Variants in OR9Q1 observed in about 807,000 individuals in gnomAD.
OR9Q1 encodes the protein olfactory receptor family 9 subfamily Q member 1, also known as olfactory receptor 9Q1.
For missense variants in OR9Q1, 374 were observed against 378.8 expected, an observed-to-expected ratio of 0.99 and a Z score of 0.11; for synonymous variants, 153 against 148.6, an observed-to-expected ratio of 1.03 and a Z score of -0.22.
At chr11:58,135,652 A>G (rs1325142578) in intron 2 of OR9Q1, among the ~76,000 whole-genome samples, 1 of 152,246 alleles carries the variant, frequency 6.6e-6, no homozygotes, top group South Asian at 2.1e-4. Context: ...ATAGGCAAAG[A>G]CTTTATACAT....
chr11:58,165,410 G>A (rs3911229), intron 2 of OR9Q1, among the ~76,000 whole-genome samples: 44,239 of 152,054 alleles, frequency 0.29, 6,894 homozygotes, highest in East Asian at 0.59. Context: ...GACTGTTTAG[G>A]CAACAGTCTC....
intron 2 of OR9Q1, among the ~76,000 whole-genome samples, chr11:58,081,037 A>C (rs540398072): frequency 6.6e-6 from 1 of 151,156 alleles, no homozygotes; most frequent in African/African-American, 2.4e-5. Flanking sequence ...CTCGTTGTTC[A>C]TCTCCCACCT....
At chr11:58,079,699 A>C (rs140572692) in intron 2 of OR9Q1, among the ~76,000 whole-genome samples, 1 of 152,302 alleles carries the variant, frequency 6.6e-6, no homozygotes, top group East Asian at 1.9e-4. Flanking sequence ...TGGATAGCTT[A>C]CTGGAGAACA....
In OR9Q1 at chr11:58,177,349, C is replaced by T. The variant is rs183484958; in HGVS notation, c.-14-2082C>T. Among the ~76,000 whole-genome samples the T allele has an allele frequency of 2.1e-3, 327 of 152,198 alleles. 2 individuals are homozygous for T. The highest frequency in any genetic ancestry group is 7.4e-3 in the African/African-American group (308 of 41,538). On this transcript the variant is annotated intron_variant, in intron 2 of 2. Coordinates refer to ENST00000335397, the MANE Select transcript of OR9Q1 (RefSeq NM_001005212.4). The stretch of plus-strand genomic sequence containing the variant: ...TGTGTACAGTTTTGTTTCTAATGGC[C>T]GTTCCACCACTTCTGAGCTGTGCAG...
intron 2 of OR9Q1, among the ~76,000 whole-genome samples, chr11:58,105,424 G>A (rs1470122170): frequency 1.3e-5 from 2 of 152,018 alleles, no homozygotes; most frequent in Admixed American, 6.6e-5. Flanking sequence ...ATAAAACCAC[G>A]ACCAAAATCA....
intron 2 of OR9Q1, among the ~76,000 whole-genome samples, chr11:58,145,713 T>A (rs1158272513): frequency 6.6e-6 from 1 of 152,212 alleles, no homozygotes; most frequent in Admixed American, 6.5e-5. Context: ...AATAATAACA[T>A]GCTACAAAAT....
intron 2 of OR9Q1, among the ~76,000 whole-genome samples, chr11:58,167,572 G>A (rs1438217829): frequency 3.3e-5 from 5 of 151,990 alleles, no homozygotes; most frequent in African/African-American, 7.2e-5. Flanking sequence ...TTTTAGTTGC[G>A]TCTATGGGTC....
chr11:58,044,074 T>C (rs1251967697), intron 1 of OR9Q1: 1 of 152,228 alleles, frequency 6.6e-6, no homozygotes, highest in African/African-American at 2.4e-5. Flanking sequence ...ATATGGCAAA[T>C]GTTAAACTAA....
At chr11:58,043,414 C>G (rs1376489) in intron 1 of OR9Q1, among the ~76,000 whole-genome samples, 32,764 of 152,036 alleles carry the variant, frequency 0.22, 4,093 homozygotes, top group Middle Eastern at 0.37. Context: ...ATTCATTTCC[C>G]CAAGACACAC....
At chr11:58,153,487 G>A (rs1419863853) in intron 2 of OR9Q1, among the ~76,000 whole-genome samples, 2 of 152,118 alleles carry the variant, frequency 1.3e-5, no homozygotes, top group African/African-American at 2.4e-5. Flanking sequence ...ATAGGGAAGG[G>A]TGGGTCATGC....
At chr11:58,083,940 G>T (rs1439320464) in intron 2 of OR9Q1, among the ~76,000 whole-genome samples, 2 of 151,738 alleles carry the variant, frequency 1.3e-5, no homozygotes, top group African/African-American at 4.9e-5. Context: ...TTGACCATTT[G>T]GTCTCTTTTT....
intron 2 of OR9Q1, among the ~76,000 whole-genome samples, chr11:58,132,147 T>C (rs2514176): frequency 1.3e-5 from 2 of 152,022 alleles, no homozygotes; most frequent in African/African-American, 4.8e-5. Context: ...GCTTATGTTT[T>C]AAATAACTCT....
At chr11:58,032,898 TAAATC>T (rs1446115263) in intron 1 of OR9Q1, among the ~76,000 whole-genome samples, 3 of 152,012 alleles carry the variant, frequency 2.0e-5, no homozygotes, top group African/African-American at 4.8e-5. Context: ...ATAAGGGACT[TAAATC>T]AACAAGAAAA....
At chr11:58,035,715 G>C (rs185912845) in intron 1 of OR9Q1, among the ~76,000 whole-genome samples, 1 of 152,038 alleles carries the variant, frequency 6.6e-6, no homozygotes, top group Non-Finnish European at 1.5e-5. Flanking sequence ...CTGACCTATC[G>C]CATTTTCCAA....
intron 2 of OR9Q1, among the ~76,000 whole-genome samples, chr11:58,079,872 A>G (rs1486038089): frequency 1.3e-5 from 2 of 152,218 alleles, no homozygotes; most frequent in Non-Finnish European, 2.9e-5. Flanking sequence ...CACTCAGACC[A>G]GAACTGCCCA....
intron 2 of OR9Q1, among the ~76,000 whole-genome samples, chr11:58,150,541 C>T (rs1854340869): frequency 6.6e-6 from 1 of 152,186 alleles, no homozygotes; most frequent in Non-Finnish European, 1.5e-5. Context: ...GATCACACAT[C>T]AATGACGGTT....
intron 2 of OR9Q1, chr11:58,109,136 A>G: frequency 2.0e-6 from 1 of 505,004 alleles, no homozygotes. Context: ...CAGAAGAAGA[A>G]GTTGATCTGA....
intron 2 of OR9Q1, among the ~76,000 whole-genome samples, chr11:58,134,010 A>G (rs905860428): frequency 3.3e-5 from 5 of 152,156 alleles, no homozygotes; most frequent in African/African-American, 1.2e-4. Flanking sequence ...TTCAGAGTCC[A>G]TCAAGCTACT....
At chr11:58,145,799 C>A (rs1160134397) in intron 2 of OR9Q1, among the ~76,000 whole-genome samples, 1 of 152,016 alleles carries the variant, frequency 6.6e-6, no homozygotes, top group African/African-American at 2.4e-5. Context: ...CTATTAAGCT[C>A]ATTTTTGTGC....
Sources: gnomAD v4.1 joint callset for allele counts (sites outside exome capture counted in the v4.1 genomes callset) on GRCh38, gnomAD v4.1.1 for gene constraint, MANE v1.5 for transcripts, NCBI Gene and HGNC (gene_info 2026-07-23, HGNC 2026-07-21) for gene names.